DDX10: variants seen among roughly 807,000 people sequenced by gnomAD.
DDX10 encodes the protein probable ATP-dependent RNA helicase DDX10.
Under a neutral mutation model 104.3 loss-of-function variants are expected in DDX10, and 74 were observed. The observed-to-expected ratio is 0.71, with a 90% confidence interval of 0.59 to 0.86. DDX10 has a LOEUF of 0.86. Among genes scored for constraint, DDX10 ranks in the 40% least tolerant of loss-of-function variants. The probability of loss-of-function intolerance (pLI) is 0.00; values close to 1 mark genes in which losing one functional copy is unlikely to be tolerated. For synonymous variants in DDX10, 351 were observed against 353.4 expected (o/e 0.99, Z 0.08); for missense variants, 952 against 1,040.0 (o/e 0.92, Z 1.16).
At position 108,675,524 on chromosome 11, in the gene DDX10, A is replaced by G. The variant is rs1040863175; in HGVS notation, c.248-72A>G. ...CTTCAACATAGGAATTTTGGGGGAC[A>G]CAACTCACTTAGCCTATAATACCAT... On this transcript the variant is annotated intron_variant, in intron 2 of 17. Coordinates refer to ENST00000322536, the MANE Select transcript of DDX10 (RefSeq NM_004398.4). 6.7e-5 allele frequency: 103 copies of G among 1,528,988 alleles called. No individual in the cohort carries two copies. In the African/African-American group the frequency reaches 1.3e-3, roughly 20 times the overall value. The allele number at this position is 1,528,988 out of a possible 1,614,324, so 94.7% of individuals were successfully genotyped here.
At chr11:108,793,099 G>T (rs1014817165) in intron 13 of DDX10, among the ~76,000 whole-genome samples, 4 of 152,172 alleles carry the variant, frequency 2.6e-5, no homozygotes, top group African/African-American at 9.7e-5. Context: ...CGTAGGCAAA[G>T]GCTTCCTAAT....
At chr11:108,809,892 T>G (rs1565285756) in intron 13 of DDX10, among the ~76,000 whole-genome samples, 11 of 152,202 alleles carry the variant, frequency 7.2e-5, no homozygotes. Flanking sequence ...CAAAAATTGA[T>G]AGAGTTTTAT....
intron 13 of DDX10, among the ~76,000 whole-genome samples, chr11:108,736,621 T>C (rs1388997400): frequency 6.6e-6 from 1 of 152,144 alleles, no homozygotes; most frequent in African/African-American, 2.4e-5. Context: ...CTTAATGGGA[T>C]CAAGACCCTT....
chr11:108,703,537 C>A (rs1303776585), intron 9 of DDX10, among the ~76,000 whole-genome samples: 1 of 152,126 alleles, frequency 6.6e-6, no homozygotes, highest in South Asian at 2.1e-4. Flanking sequence ...ACCATGTTGG[C>A]CAGGATGGTC....
At chr11:108,833,698 AT>A (rs1862506303) in intron 13 of DDX10, among the ~76,000 whole-genome samples, 1 of 152,138 alleles carries the variant, frequency 6.6e-6, no homozygotes, top group Non-Finnish European at 1.5e-5. Context: ...GGCTTCATGG[AT>A]TTCCCTAAAG....
intron 6 of DDX10, among the ~76,000 whole-genome samples, chr11:108,683,644 G>C (rs1163585943): frequency 6.6e-6 from 1 of 152,228 alleles, no homozygotes; most frequent in Non-Finnish European, 1.5e-5. Flanking sequence ...TTTAGCAGCT[G>C]ATAGAAATTA....
chr11:108,806,793 G>A (rs543776149), intron 13 of DDX10, among the ~76,000 whole-genome samples: 1 of 152,056 alleles, frequency 6.6e-6, no homozygotes, highest in South Asian at 2.1e-4. Context: ...ATAGAGGGGG[G>A]ACTGTGTGAA....
chr11:108,822,464 C>A, intron 13 of DDX10: 1 of 336,632 alleles, frequency 3.0e-6, no homozygotes, highest in Non-Finnish European at 5.8e-6. Context: ...ATCAGTGTAT[C>A]CTTTCCCCAG....
At chr11:108,864,846 G>C (rs1259000974) in intron 16 of DDX10, among the ~76,000 whole-genome samples, 1 of 152,150 alleles carries the variant, frequency 6.6e-6, no homozygotes, top group Admixed American at 6.6e-5. Context: ...TATACTAGAA[G>C]ATATGAGGGT....
chr11:108,701,675 CTTTTTTTTTTT>C (rs55916940), intron 9 of DDX10, among the ~76,000 whole-genome samples: 6 of 77,424 alleles, frequency 7.7e-5, no homozygotes, highest in South Asian at 1.2e-3. Context: ...TTCTTCTTCT[CTTTTTTTTTTT>C]TTTTTTTTTT....
At chr11:108,714,733 G>C (rs1565255920) in intron 10 of DDX10, among the ~76,000 whole-genome samples, 2 of 152,016 alleles carry the variant, frequency 1.3e-5, no homozygotes, top group Non-Finnish European at 2.9e-5. Context: ...GCATCAGTGG[G>C]ATCCATCAGA....
chr11:108,788,509 T>C (rs1369536077), intron 13 of DDX10, among the ~76,000 whole-genome samples: 1 of 152,108 alleles, frequency 6.6e-6, no homozygotes, highest in Non-Finnish European at 1.5e-5. Context: ...ATTACAGGTA[T>C]GCGCCACCAC....
intron 13 of DDX10, among the ~76,000 whole-genome samples, chr11:108,743,077 A>G (rs1384902692): frequency 6.6e-6 from 1 of 152,180 alleles, no homozygotes. Flanking sequence ...AGACACAACA[A>G]AAAGAAAACT....
intron 16 of DDX10, among the ~76,000 whole-genome samples, chr11:108,904,737 T>C (rs530853019): frequency 5.7e-4 from 86 of 151,970 alleles, no homozygotes; most frequent in Middle Eastern, 3.4e-3. Context: ...TTTTTTTTTT[T>C]CCCCTGAGAT....
intron 9 of DDX10, among the ~76,000 whole-genome samples, chr11:108,697,537 A>G (rs2134454320): frequency 2.0e-5 from 3 of 152,296 alleles, no homozygotes; most frequent in Admixed American, 2.0e-4. Flanking sequence ...TTTGTCTTGA[A>G]GTACCTAATT....
At chr11:108,899,734 T>G (rs973766278) in intron 16 of DDX10, among the ~76,000 whole-genome samples, 5 of 152,030 alleles carry the variant, frequency 3.3e-5, no homozygotes, top group Non-Finnish European at 7.4e-5. Context: ...ATGGGAGGTG[T>G]TTGGGTCACA....
At chr11:108,903,505 C>T (rs1456467066) in intron 16 of DDX10, among the ~76,000 whole-genome samples, 1 of 152,138 alleles carries the variant, frequency 6.6e-6, no homozygotes, top group African/African-American at 2.4e-5. Context: ...CTGTACTGAA[C>T]ATGCACAGAC....
rs900893013 is a variant in DDX10 at position 108,675,387 on chromosome 11, G to C, written c.248-209G>C. ...CTTTGTTCAAGTTTCTTCTCATAAA[G>C]ACACCGTTTGTGTTGGATCAGAGTC... On this transcript the variant is annotated intron_variant, in intron 2 of 17. Transcript: ENST00000322536. Among the ~76,000 whole-genome samples the C allele has an allele frequency of 1.4e-4, 21 of 152,276 alleles. No individual in the cohort carries two copies. In the Middle Eastern group the frequency reaches 0.01, roughly 74 times the overall value.
At position 108,790,248 on chromosome 11, in the gene DDX10, T is replaced by TA. The variant is rs556589321; in HGVS notation, c.1966-48192dup. Among the ~76,000 whole-genome samples the TA allele has an allele frequency of 3.9e-3, 600 of 152,292 alleles. 8 individuals carry two copies. The highest frequency in any genetic ancestry group is 0.014 in the African/African-American group (574 of 41,552). On this transcript the variant is annotated intron_variant, in intron 13 of 17. Transcript: ENST00000322536. ...TTCATGTATGTTCACTATCATTACT[T>TA]AAAAAAGAACTATGTAAGTGGTTTC...
Sources: allele counts gnomAD v4.1 joint callset (sites outside exome capture counted in the v4.1 genomes callset), GRCh38; gene constraint gnomAD v4.1.1; transcripts MANE v1.5; gene names NCBI Gene and HGNC (gene_info 2026-07-23, HGNC 2026-07-21).